TOX2: variants seen among roughly 807,000 people sequenced by gnomAD.
TOX2 encodes TOX high mobility group box family member 2.
TOX2 carries 15 observed loss-of-function variants against 47.4 expected under a neutral mutation model. The observed-to-expected ratio is 0.32, with a 90% CI of 0.21 to 0.49. The LOEUF is 0.49. TOX2 is among the 20% of genes least tolerant of loss of function. TOX2 has a pLI of 0.99. For synonymous variants in TOX2, 290 were observed against 296.6 expected, an observed-to-expected ratio of 0.98 and a Z score of 0.23; for missense variants, 622 against 673.1, an observed-to-expected ratio of 0.92 and a Z score of 0.84.
intron 1 of TOX2, among the ~76,000 whole-genome samples, chr20:43,953,527 G>T (rs1018642322): frequency 6.6e-6 from 1 of 152,164 alleles, no homozygotes; most frequent in Non-Finnish European, 1.5e-5. Context: ...CATTGCTTGG[G>T]CTGATCCGGG....
intron 1 of TOX2, among the ~76,000 whole-genome samples, chr20:43,929,845 G>A (rs1259938340): frequency 6.6e-6 from 1 of 152,118 alleles, no homozygotes; most frequent in Non-Finnish European, 1.5e-5. Context: ...GAGTAGCTGG[G>A]ATTACAGGAA....
intron 1 of TOX2, among the ~76,000 whole-genome samples, chr20:43,942,223 A>T (rs578224527): frequency 6.6e-6 from 1 of 152,330 alleles, no homozygotes; most frequent in Admixed American, 6.5e-5. Flanking sequence ...CAAAAACCCC[A>T]CCAGGAGGGA....
chr20:43,954,393 C>A (rs2069632196), intron 1 of TOX2, among the ~76,000 whole-genome samples: 1 of 152,246 alleles, frequency 6.6e-6, no homozygotes, highest in Non-Finnish European at 1.5e-5. Flanking sequence ...CGTGTGACCA[C>A]CTTTGTGTGT....
At chr20:43,983,735 C>A (rs1187426859) in intron 2 of TOX2, among the ~76,000 whole-genome samples, 1 of 152,204 alleles carries the variant, frequency 6.6e-6, no homozygotes, top group African/African-American at 2.4e-5. Context: ...ATTTGCCCTG[C>A]ACCTCCTTAG....
intron 2 of TOX2, among the ~76,000 whole-genome samples, chr20:43,987,951 C>T: frequency 8.0e-6 from 1 of 124,518 alleles, no homozygotes; most frequent in Non-Finnish European, 1.6e-5. Context: ...GACAGTGTCT[C>T]ACTCTGTCGC....
At chr20:44,015,082 T>C (rs1003607911) in intron 3 of TOX2, among the ~76,000 whole-genome samples, 17 of 151,994 alleles carry the variant, frequency 1.1e-4, no homozygotes, top group Non-Finnish European at 2.2e-4. Flanking sequence ...TTTTCCAAGG[T>C]GCCATGCTTT....
At chr20:43,939,723 T>C (rs1478990502) in intron 1 of TOX2, among the ~76,000 whole-genome samples, 1 of 152,222 alleles carries the variant, frequency 6.6e-6, no homozygotes, top group African/African-American at 2.4e-5. Flanking sequence ...ACTTAACTCC[T>C]CTGAGCCTGT....
At chr20:43,967,939 C>G (rs993914416) in intron 1 of TOX2, among the ~76,000 whole-genome samples, 1 of 152,110 alleles carries the variant, frequency 6.6e-6, no homozygotes, top group African/African-American at 2.4e-5. Flanking sequence ...CTTTGCATGC[C>G]TGTGTTGGAA....
chr20:44,058,710 C>T (rs1009025744), intron 5 of TOX2, among the ~76,000 whole-genome samples: 2 of 152,204 alleles, frequency 1.3e-5, no homozygotes, highest in Non-Finnish European at 2.9e-5. Context: ...GAAGACAGAT[C>T]ACATCACAGG....
chr20:44,045,584 T>A (rs372252463), intron 3 of TOX2, among the ~76,000 whole-genome samples: 5 of 152,326 alleles, frequency 3.3e-5, no homozygotes, highest in Admixed American at 2.0e-4. Context: ...ATATACTGAG[T>A]GTTGCCAGGT....
In TOX2 at chr20:44,065,000, C is replaced by T. The variant is rs1012179368; in HGVS notation, c.960+143C>T. The T allele has an allele frequency of 8.7e-6, 6 of 688,786 alleles. No individual in the cohort carries two copies. The African/African-American group carries it at 9.0e-5, about 10-fold the overall frequency. The allele number at this position is 688,786 out of a possible 1,614,324, so 42.7% of individuals were successfully genotyped here. ...GACCTACATGGTCATGTCTGCAGGG[C>T]ACCTACAGCATGCCAGGCTCATTCT... On this transcript the variant is annotated intron_variant, in intron 6 of 8. Coordinates refer to ENST00000341197, the MANE Select transcript of TOX2 (RefSeq NM_001098797.2).
intron 2 of TOX2, among the ~76,000 whole-genome samples, chr20:44,002,697 C>T (rs1006988125): frequency 6.6e-6 from 1 of 152,104 alleles, no homozygotes. Context: ...TTTGATGAGG[C>T]CTCAGGAAGC....
At chr20:43,935,945 A>G (rs993488621) in intron 1 of TOX2, among the ~76,000 whole-genome samples, 2 of 151,722 alleles carry the variant, frequency 1.3e-5, no homozygotes, top group East Asian at 1.9e-4. Flanking sequence ...AAAAAAAAAA[A>G]AAAAAAAGAA....
At chr20:43,985,836 C>G (rs2070254590) in intron 2 of TOX2, among the ~76,000 whole-genome samples, 1 of 152,030 alleles carries the variant, frequency 6.6e-6, no homozygotes, top group Non-Finnish European at 1.5e-5. Context: ...TGGGAGGGTG[C>G]TTAGAGCAGA....
intron 2 of TOX2, among the ~76,000 whole-genome samples, chr20:43,975,039 T>G (rs1308993316): frequency 6.6e-6 from 1 of 152,264 alleles, no homozygotes; most frequent in African/African-American, 2.4e-5. Flanking sequence ...CATAATCAAC[T>G]GAAGTCTCAT....
chr20:43,970,369 T>G (rs1363736286), intron 1 of TOX2, among the ~76,000 whole-genome samples: 1 of 152,214 alleles, frequency 6.6e-6, no homozygotes, highest in Non-Finnish European at 1.5e-5. Context: ...AAATATTTAT[T>G]GATTGTCTAC....
chr20:44,039,833 GC>G, intron 3 of TOX2, among the ~76,000 whole-genome samples: 1 of 152,120 alleles, frequency 6.6e-6, no homozygotes, highest in African/African-American at 2.4e-5. Flanking sequence ...CATTCCTGGG[GC>G]CCCAGTTGGT....
At chr20:44,061,339 A>G (rs2071715020) in intron 5 of TOX2, among the ~76,000 whole-genome samples, 1 of 152,172 alleles carries the variant, frequency 6.6e-6, no homozygotes, top group Admixed American at 6.5e-5. Flanking sequence ...AATCCTTCCT[A>G]AATTATTCTA....
chr20:43,959,008 G>A (rs751001212), intron 1 of TOX2, among the ~76,000 whole-genome samples: 8 of 152,230 alleles, frequency 5.3e-5, no homozygotes, highest in Non-Finnish European at 1.0e-4. Context: ...TTAGGACAGA[G>A]CCCCCCACTG....
Sources: allele counts gnomAD v4.1 joint callset (sites outside exome capture counted in the v4.1 genomes callset), GRCh38; gene constraint gnomAD v4.1.1; transcripts MANE v1.5; gene names NCBI Gene and HGNC (gene_info 2026-07-23, HGNC 2026-07-21).